The following PASD1 variants were observed in gnomAD, a reference collection of about 807,000 sequenced individuals.
The protein encoded by PASD1 is PAS domain containing repressor 1.
PASD1 carries 13 observed loss-of-function variants against 58.8 expected under a neutral mutation model. The observed-to-expected ratio is 0.22, with a 90% CI of 0.14 to 0.35. The LOEUF is 0.35. Ranked by LOEUF, PASD1 falls within the 10% of genes least tolerant of loss-of-function variation. PASD1 has a pLI of 1.00. For missense variants in PASD1, 734 were observed against 568.3 expected (o/e 1.29, Z -2.96); for synonymous variants, 236 against 216.7 (o/e 1.09, Z -0.78).
chrX:151,620,183 T>G (rs2013686747), intron 4 of PASD1, among the ~76,000 whole-genome samples: 1 of 112,124 alleles, frequency 8.9e-6, no homozygotes, highest in African/African-American at 3.2e-5. Context: ...ATGACAGATA[T>G]CATAGCATGT....
intron 13 of PASD1, 149 bp from the exon 14 acceptor site, chrX:151,672,034 A>G: frequency 1.1e-6 from 1 of 949,249 alleles, no homozygotes; most frequent in Non-Finnish European, 1.4e-6. Context: ...CAGTCTAACT[A>G]AAGTAGACAG....
rs1338634305 is a variant in PASD1 at position 151,672,288 on chromosome X, ATGCAGGAGAAGAAGAAGC to A, written c.1552_1569del (p.Lys518_Glu523del). The A allele has an allele frequency of 1.7e-6, 2 of 1,168,421 alleles. No homozygotes were observed. The highest frequency in any genetic ancestry group is 2.3e-6 in the Non-Finnish European group (2 of 873,564). On this transcript the variant is annotated inframe_deletion, in exon 14 of 16. Coordinates refer to ENST00000370357, the MANE Select transcript of PASD1 (RefSeq NM_173493.3). ...AAGGAAGGTGCAGAAGCAGAAGAAG[ATGCAGGAGAAGAAGAAGC>A]TGCAGGAGCAGAAAATGCAGGAGAA...
chrX:151,648,669 C>G lies in PASD1; in HGVS notation c.684C>G (p.Pro228=). 1.7e-6 allele frequency: 2 copies of G among 1,209,250 alleles called. No homozygotes were observed. Among genetic ancestry groups the G allele is most frequent in the Non-Finnish European group, 1.1e-6 (1 of 893,983 alleles). The change falls in exon 9 of 16, where the codon CCC becomes CCG. Residue 228 remains proline, a synonymous_variant. Transcript: ENST00000370357. ...HTSMKAVYVE[P]AAAAAAAAIS... ...GCATGAAAGCCGTGTACGTTGAACC[C>G]GCTGCTGCTGCTGCTGCTGCTGCTA...
chrX:151,585,979 A>T (rs868265143), intron 1 of PASD1, among the ~76,000 whole-genome samples: 1 of 111,857 alleles, frequency 8.9e-6, no homozygotes, highest in Non-Finnish European at 1.9e-5. Context: ...CAGAATTCTT[A>T]CATGGCTTAG....
In PASD1 at chrX:151,672,485, T is replaced by C; in HGVS notation, c.1740T>C (p.Asn580=). Residue 580 remains asparagine, a synonymous_variant, in exon 14 of 16, where the codon AAT becomes AAC. Coordinates refer to ENST00000370357, the MANE Select transcript of PASD1 (RefSeq NM_173493.3). The part of the protein sequence containing the change: ...QPLKHNVIVG[N]ERVQICLQNP... ...TGAAGCATAATGTCATCGTGGGGAA[T>C]GAGAGGGTGCAGATATGCCTGCAAA... The C allele has an allele frequency of 8.3e-7, 1 of 1,211,581 alleles. No individual in the cohort carries two copies. The highest frequency in any genetic ancestry group is 1.1e-6 in the Non-Finnish European group (1 of 895,490).
intron 8 of PASD1, among the ~76,000 whole-genome samples, chrX:151,632,300 G>C (rs980265138): frequency 4.5e-5 from 5 of 111,582 alleles, no homozygotes; most frequent in African/African-American, 9.8e-5. Context: ...CATCTGAAAG[G>C]AGTGGAGGAG....
intron 8 of PASD1, among the ~76,000 whole-genome samples, chrX:151,645,332 A>T (rs1186280518): frequency 8.9e-6 from 1 of 111,920 alleles, no homozygotes; most frequent in Non-Finnish European, 1.9e-5. Context: ...ACTGTTCAAA[A>T]CACACCTTAG....
intron 9 of PASD1, among the ~76,000 whole-genome samples, chrX:151,654,435 T>C (rs746873992): frequency 5.4e-5 from 6 of 111,502 alleles, no homozygotes; most frequent in Non-Finnish European, 1.1e-4. Context: ...GTCTGGAGGA[T>C]GGACACTAAG....
chrX:151,665,091 C>G (rs1457884239), intron 11 of PASD1, among the ~76,000 whole-genome samples: 2 of 112,105 alleles, frequency 1.8e-5, no homozygotes, highest in African/African-American at 6.5e-5. Flanking sequence ...GGATCCTCAT[C>G]CAGTGAAAAT....
chrX:151,664,210 G>C lies in PASD1; in HGVS notation c.933G>C (p.Val311=). 8.3e-7 allele frequency: 1 copy of C among 1,209,452 alleles called. No individual in the cohort carries two copies. ...ACCTGGAGTTCTCGGTGGATCAGGT[G>C]GACTCAGTGGACCAGGAGGGCCCAA... ...PVDLEFSVDQ[V]DSVDQEGPMD... is the part of the protein sequence containing the mutation. The change falls in exon 11 of 16, where the codon GTG becomes GTC. Residue 311 remains valine, a synonymous_variant. Coordinates refer to ENST00000370357, the MANE Select transcript of PASD1 (RefSeq NM_173493.3).
At chrX:151,652,534 A>T (rs1198943716) in intron 9 of PASD1, among the ~76,000 whole-genome samples, 40 of 15,030 alleles carry the variant, frequency 2.7e-3, no homozygotes, top group African/African-American at 0.013. Context: ...CTCCGTCTCA[A>T]AAAAAAAAAA....
intron 8 of PASD1, among the ~76,000 whole-genome samples, chrX:151,637,039 A>G (rs936930587): frequency 8.9e-6 from 1 of 112,280 alleles, no homozygotes; most frequent in Non-Finnish European, 1.9e-5. Flanking sequence ...TCTCAACACA[A>G]TTCCTTTAAG....
At chrX:151,653,819 CTT>C (rs2014183130) in intron 9 of PASD1, among the ~76,000 whole-genome samples, 1 of 22,169 alleles carries the variant, frequency 4.5e-5, no homozygotes, top group African/African-American at 9.9e-5. Context: ...TCCTTCCTTC[CTT>C]CCTTCCTTCC....
At chrX:151,564,211 C>T (rs930937369) in intron 1 of PASD1, among the ~76,000 whole-genome samples, 10 of 112,884 alleles carry the variant, frequency 8.9e-5, no homozygotes, top group South Asian at 3.6e-4. Context: ...CCGGTCTGAG[C>T]GGGCGGTTCG....
chrX:151,654,412 C>G (rs1421195613), intron 9 of PASD1, among the ~76,000 whole-genome samples: 30 of 111,375 alleles, frequency 2.7e-4, no homozygotes, highest in Non-Finnish European at 5.6e-5. Context: ...CATGGATGGT[C>G]TTAAAGCTGT....
At chrX:151,602,794 G>T (rs1185624441) in intron 2 of PASD1, among the ~76,000 whole-genome samples, 1 of 111,689 alleles carries the variant, frequency 9.0e-6, no homozygotes, top group African/African-American at 3.3e-5. Flanking sequence ...TACCCTACAT[G>T]ATCTGGCCCT....
intron 1 of PASD1, among the ~76,000 whole-genome samples, chrX:151,585,823 T>C (rs754094369): frequency 8.9e-6 from 1 of 112,186 alleles, no homozygotes; most frequent in South Asian, 3.7e-4. Context: ...TTCTACTCCT[T>C]TCAGAGGATT....
intron 1 of PASD1, among the ~76,000 whole-genome samples, chrX:151,572,684 C>T (rs894867199): frequency 9.1e-6 from 1 of 110,453 alleles, no homozygotes. Context: ...TGAAAAAGGA[C>T]TGGAGACAGA....
At chrX:151,565,405 T>A (rs1260642665) in intron 1 of PASD1, among the ~76,000 whole-genome samples, 1 of 111,350 alleles carries the variant, frequency 9.0e-6, no homozygotes, top group African/African-American at 3.3e-5. Flanking sequence ...AGCACTTCCT[T>A]AGGAGAGTTG....
Sources: allele counts gnomAD v4.1 joint callset (sites outside exome capture counted in the v4.1 genomes callset), GRCh38; gene constraint gnomAD v4.1.1; transcripts MANE v1.5; gene names NCBI Gene and HGNC (gene_info 2026-07-23, HGNC 2026-07-21).